The following PITPNC1 variants were observed in gnomAD, a reference collection of about 807,000 sequenced individuals.
PITPNC1 encodes phosphatidylinositol transfer protein cytoplasmic 1.
A neutral mutation model predicts 44.7 loss-of-function variants in PITPNC1; 18 were observed. The observed-to-expected ratio is 0.40, with a 90% confidence interval of 0.28 to 0.60. The LOEUF is 0.60. Among genes scored for constraint, PITPNC1 ranks in the 20% least tolerant of loss-of-function variants. The pLI is 0.39. For synonymous variants in PITPNC1, 141 were observed against 149.6 expected (o/e 0.94, Z 0.42); for missense variants, 290 against 418.4 (o/e 0.69, Z 2.68).
chr17:67,441,497 A>G (rs2039012327), intron 1 of PITPNC1, among the ~76,000 whole-genome samples: 1 of 152,220 alleles, frequency 6.6e-6, no homozygotes, highest in South Asian at 2.1e-4. Context: ...AGCAAAGTGA[A>G]GTGGGAATCC....
At chr17:67,635,778 C>T (rs2042024891) in intron 6 of PITPNC1, among the ~76,000 whole-genome samples, 1 of 152,074 alleles carries the variant, frequency 6.6e-6, no homozygotes, top group African/African-American at 2.4e-5. Flanking sequence ...AGGAGAGTGA[C>T]CAGAGGTGCT....
chr17:67,599,596 T>C (rs1231161996), intron 5 of PITPNC1, among the ~76,000 whole-genome samples: 1 of 151,888 alleles, frequency 6.6e-6, no homozygotes. Flanking sequence ...AAGGAAGAAA[T>C]TGTCACCAGT....
rs533439701 is a variant in PITPNC1 at position 67,605,081 on chromosome 17, A to G, written c.366+26824A>G. 3.9e-4 allele frequency among the ~76,000 whole-genome samples: 59 copies of G among 152,328 alleles called. 1 individual carries two copies. Among genetic ancestry groups the G allele is most frequent in the Non-Finnish European group, 4.7e-4 (32 of 68,022 alleles). On this transcript the variant is annotated intron_variant, in intron 5 of 8. Coordinates refer to ENST00000581322, the MANE Select transcript of PITPNC1 (RefSeq NM_012417.4). ...GCAACAGGGTGAGATTCTGTCTCAA[A>G]ATAAAATAAAATAAAACAAAACAAT... is the stretch of plus-strand genomic sequence containing the variant.
intron 5 of PITPNC1, 63 bp from the exon 6 acceptor site, chr17:67,632,080 C>T (rs992286030): frequency 3.9e-5 from 39 of 988,306 alleles, no homozygotes; most frequent in Admixed American, 5.2e-5. Context: ...TATTCTGCCT[C>T]GGGCACTTTG....
intron 1 of PITPNC1, among the ~76,000 whole-genome samples, chr17:67,459,113 C>CTTTTTTTTTTTTTTTTTTTTTTT (rs886333854): frequency 4.2e-5 from 4 of 95,730 alleles, no homozygotes; most frequent in Non-Finnish European, 6.3e-5. Context: ...TTTTCTTTTT[C>CTTTTTTTTTTTTTTTTTTTTTTT]TTTTTTTTTT....
intron 5 of PITPNC1, chr17:67,612,945 C>T (rs2041706794): frequency 6.6e-6 from 1 of 152,278 alleles, no homozygotes; most frequent in Non-Finnish European, 1.5e-5. Context: ...CCTATAATCA[C>T]AGCACTTCGG....
At chr17:67,457,218 C>T (rs1183362633) in intron 1 of PITPNC1, 2 of 152,178 alleles carry the variant, frequency 1.3e-5, no homozygotes, top group Non-Finnish European at 2.9e-5. Flanking sequence ...CCCAGACCTC[C>T]TGAGCTGAAA....
intron 2 of PITPNC1, among the ~76,000 whole-genome samples, chr17:67,537,488 T>G (rs2040546031): frequency 6.6e-6 from 1 of 152,196 alleles, no homozygotes; most frequent in Non-Finnish European, 1.5e-5. Context: ...GTAATCAGTC[T>G]ATAAGATATA....
intron 1 of PITPNC1, among the ~76,000 whole-genome samples, chr17:67,472,651 GA>G (rs780986823): frequency 0.15 from 15,285 of 99,220 alleles, 1,069 homozygotes; most frequent in African/African-American, 0.26. Context: ...TGTCTCAAAA[GA>G]AAAAAAAAAA....
chr17:67,444,351 G>C (rs570582756), intron 1 of PITPNC1, among the ~76,000 whole-genome samples: 3 of 152,086 alleles, frequency 2.0e-5, no homozygotes, highest in Non-Finnish European at 4.4e-5. Flanking sequence ...GGCAGAGAAA[G>C]TCTGTAAGTA....
At chr17:67,454,086 A>C (rs1344852990) in intron 1 of PITPNC1, among the ~76,000 whole-genome samples, 1 of 152,136 alleles carries the variant, frequency 6.6e-6, no homozygotes, top group Non-Finnish European at 1.5e-5. Context: ...CCCCGTCTCT[A>C]CTAAAAATAC....
intron 4 of PITPNC1, among the ~76,000 whole-genome samples, chr17:67,575,408 G>T (rs1041516267): frequency 6.4e-4 from 98 of 152,294 alleles, no homozygotes; most frequent in African/African-American, 2.3e-3. Flanking sequence ...GCAGGGCCTT[G>T]TTCTCCATAA....
At chr17:67,586,456 G>A (rs932516526) in intron 5 of PITPNC1, among the ~76,000 whole-genome samples, 6 of 150,812 alleles carry the variant, frequency 4.0e-5, no homozygotes, top group African/African-American at 9.8e-5. Context: ...TTAGCTGGGC[G>A]TGGTGGTGCA....
intron 1 of PITPNC1, among the ~76,000 whole-genome samples, chr17:67,402,839 G>A (rs1333957053): frequency 6.6e-6 from 1 of 152,036 alleles, no homozygotes; most frequent in Admixed American, 6.6e-5. Flanking sequence ...GCTAATTTTT[G>A]TGTTTTTAGT....
chr17:67,672,604 TAATA>T (rs2042534198), intron 7 of PITPNC1, among the ~76,000 whole-genome samples: 4 of 3,656 alleles, frequency 1.1e-3, no homozygotes, highest in African/African-American at 5.4e-3. Flanking sequence ...GTCTCCAAAA[TAATA>T]ATAATAATAA....
rs571369151 is a variant in PITPNC1 at position 67,594,083 on chromosome 17, A to G, written c.366+15826A>G. On this transcript the variant is annotated intron_variant, in intron 5 of 8. Coordinates refer to ENST00000581322, the MANE Select transcript of PITPNC1 (RefSeq NM_012417.4). ...ATCTGCCAAAAGCTAGCAGCTGGTC[A>G]GGCCCAGTTAGTAGGATTCTGTACT... is the stretch of plus-strand genomic sequence containing the variant. Among the ~76,000 whole-genome samples the G allele has an allele frequency of 2.6e-5, 4 of 152,302 alleles. No individual in the cohort carries two copies. The East Asian group carries it at 7.7e-4, about 29-fold the overall frequency.
In PITPNC1 at chr17:67,500,753, G is replaced by A. The variant is rs58151250; in HGVS notation, c.49-32049G>A. Among the ~76,000 whole-genome samples, 925 of 151,154 alleles carry A rather than the reference G, an allele frequency of 6.1e-3. 9 individuals are homozygous for A. The highest frequency in any genetic ancestry group is 0.021 in the African/African-American group (851 of 41,188). ...TCACGGATCATGGCCCATGGCTCAC[G>A]GCTCACTGAAGCCTCAAACTCCTGG... On this transcript the variant is annotated intron_variant, in intron 1 of 8. Coordinates refer to ENST00000581322, the MANE Select transcript of PITPNC1 (RefSeq NM_012417.4).
intron 5 of PITPNC1, chr17:67,611,837 G>A (rs918599263): frequency 1.3e-5 from 2 of 152,170 alleles, no homozygotes; most frequent in Non-Finnish European, 2.9e-5. Context: ...GGTTTTAGGA[G>A]GAGAAACTTT....
chr17:67,379,199 G>A (rs2037920366), intron 1 of PITPNC1: 8 of 985,616 alleles, frequency 8.1e-6, no homozygotes, highest in Non-Finnish European at 9.6e-6. Context: ...GGTTTGGTGT[G>A]GCAACACACA....
Sources: gnomAD v4.1 joint callset for allele counts (sites outside exome capture counted in the v4.1 genomes callset) on GRCh38, gnomAD v4.1.1 for gene constraint, MANE v1.5 for transcripts, NCBI Gene and HGNC (gene_info 2026-07-23, HGNC 2026-07-21) for gene names.